The following WWOX variants were observed in gnomAD, a reference collection of about 807,000 sequenced individuals.
WWOX encodes the protein WW domain containing oxidoreductase.
WWOX carries 69 observed loss-of-function variants against 46.2 expected under a neutral mutation model. That is an observed-to-expected ratio of 1.49 (90% CI 1.23 to 1.82). WWOX has a LOEUF of 1.82. Among genes scored for constraint, WWOX ranks in the 40% most tolerant of loss-of-function variants. The pLI, the probability that WWOX is intolerant of heterozygous loss-of-function variation, is 0.00. For missense variants in WWOX, 919 were observed against 542.6 expected (o/e 1.69, Z -6.89); for synonymous variants, 359 against 202.6 (o/e 1.77, Z -6.56).
intron 8 of WWOX, among the ~76,000 whole-genome samples, chr16:78,779,134 G>A (rs1162946578): frequency 6.6e-6 from 1 of 152,088 alleles, no homozygotes; most frequent in Admixed American, 6.5e-5. Flanking sequence ...ACATAAATGT[G>A]ACTCCAACTT....
chr16:78,477,623 C>A (rs1446312149), intron 8 of WWOX, among the ~76,000 whole-genome samples: 1 of 151,334 alleles, frequency 6.6e-6, no homozygotes, highest in Non-Finnish European at 1.5e-5. Flanking sequence ...TATTTTTTTT[C>A]AATTTGATAA....
chr16:78,196,281 C>G (rs905714882), intron 5 of WWOX, among the ~76,000 whole-genome samples: 6 of 152,198 alleles, frequency 3.9e-5, no homozygotes, highest in African/African-American at 1.4e-4. Flanking sequence ...GGTAAATACA[C>G]TACTAAGTGT....
At position 79,212,165 on chromosome 16, in the gene WWOX, G is replaced by T; in HGVS notation, c.*369G>T. Reference sequence around the variant, plus strand: ...CCTCGTCCCATCCAGCTACCACCACGGCCACCACTGCAGCCGGGGGCTGGC... The same window carrying T: ...CCTCGTCCCATCCAGCTACCACCACTGCCACCACTGCAGCCGGGGGCTGGC... On this transcript the variant is annotated 3_prime_UTR_variant, in exon 9 of 9. Transcript: ENST00000566780. 2 of 1,493,768 alleles carry T rather than the reference G, an allele frequency of 1.3e-6. No homozygotes were observed. Among genetic ancestry groups the T allele is most frequent in the Middle Eastern group, 1.8e-4 (1 of 5,440 alleles). The allele number at this position is 1,493,768 out of a possible 1,614,324, so 92.5% of individuals were successfully genotyped here.
intron 7 of WWOX, among the ~76,000 whole-genome samples, chr16:78,427,414 A>C (rs928688652): frequency 4.6e-5 from 7 of 152,172 alleles, no homozygotes; most frequent in African/African-American, 1.7e-4. Flanking sequence ...AAAAAATTTC[A>C]GATAACAATT....
At chr16:78,839,585 C>T (rs531968138) in intron 8 of WWOX, among the ~76,000 whole-genome samples, 2 of 152,308 alleles carry the variant, frequency 1.3e-5, no homozygotes, top group African/African-American at 4.8e-5. Context: ...ATGAAATGAA[C>T]TGCATCCCAG....
intron 8 of WWOX, among the ~76,000 whole-genome samples, chr16:78,782,577 C>A (rs1018938717): frequency 1.3e-5 from 2 of 152,134 alleles, no homozygotes; most frequent in Admixed American, 1.3e-4. Flanking sequence ...CGTCCACCAG[C>A]CAAAGAGGAT....
At chr16:79,069,174 C>T (rs933917674) in intron 8 of WWOX, among the ~76,000 whole-genome samples, 1 of 152,148 alleles carries the variant, frequency 6.6e-6, no homozygotes. Flanking sequence ...GGTAAATGCA[C>T]CTGGGTATCC....
At chr16:78,246,848 G>T (rs2037829859) in intron 5 of WWOX, among the ~76,000 whole-genome samples, 1 of 152,002 alleles carries the variant, frequency 6.6e-6, no homozygotes, top group Non-Finnish European at 1.5e-5. Flanking sequence ...CTGATGAGGG[G>T]TATTTATTAT....
At chr16:78,193,180 TAGCCAAGACCAAC>T (rs2035936381) in intron 5 of WWOX, among the ~76,000 whole-genome samples, 3 of 152,326 alleles carry the variant, frequency 2.0e-5, no homozygotes, top group East Asian at 3.9e-4. Context: ...TCAATGGCAG[TAGCCAAGACCAAC>T]AGCCAAGACC....
At chr16:78,757,981 C>G (rs1456425447) in intron 8 of WWOX, among the ~76,000 whole-genome samples, 1 of 152,016 alleles carries the variant, frequency 6.6e-6, no homozygotes, top group Non-Finnish European at 1.5e-5. Context: ...CAACACTGAC[C>G]TTCTATCAGA....
intron 4 of WWOX, among the ~76,000 whole-genome samples, chr16:78,133,879 A>G (rs561486071): frequency 6.6e-6 from 1 of 152,340 alleles, no homozygotes; most frequent in East Asian, 1.9e-4. Context: ...GAAGAAAAAT[A>G]TTAGAGAGTT....
chr16:79,039,279 C>G (rs925836329), intron 8 of WWOX, among the ~76,000 whole-genome samples: 1 of 152,112 alleles, frequency 6.6e-6, no homozygotes, highest in Non-Finnish European at 1.5e-5. Context: ...AAGCCATTAA[C>G]CTCTCTGCGC....
intron 8 of WWOX, among the ~76,000 whole-genome samples, chr16:79,026,992 A>G (rs2047658368): frequency 6.6e-6 from 1 of 151,202 alleles, no homozygotes; most frequent in African/African-American, 2.4e-5. Flanking sequence ...AAGTTAACAC[A>G]GTGGAGTCCA....
intron 7 of WWOX, among the ~76,000 whole-genome samples, chr16:78,430,838 A>G (rs2083200486): frequency 6.6e-6 from 1 of 152,222 alleles, no homozygotes; most frequent in African/African-American, 2.4e-5. Flanking sequence ...TTTAATTTCC[A>G]TTAAAACATG....
At chr16:78,777,749 T>G (rs2050226765) in intron 8 of WWOX, among the ~76,000 whole-genome samples, 2 of 152,176 alleles carry the variant, frequency 1.3e-5, no homozygotes, top group Admixed American at 6.5e-5. Flanking sequence ...GCACTTTGCA[T>G]AGAAACTCAC....
chr16:79,211,576 A>T (rs1006382932), intron 8 of WWOX, 32 bp from the exon 9 acceptor site: 69 of 1,607,852 alleles, frequency 4.3e-5, no homozygotes, highest in Non-Finnish European at 5.0e-5. Context: ...TTTTCTTAAA[A>T]TTTTTTTTTG....
intron 8 of WWOX, among the ~76,000 whole-genome samples, chr16:79,031,900 C>A (rs1213043581): frequency 1.2e-4 from 8 of 65,878 alleles, no homozygotes; most frequent in African/African-American, 2.7e-4. Flanking sequence ...ATACAGATAT[C>A]TATATATATA....
At chr16:79,186,687 C>A (rs893985693) in intron 8 of WWOX, among the ~76,000 whole-genome samples, 21 of 152,086 alleles carry the variant, frequency 1.4e-4, no homozygotes, top group Non-Finnish European at 2.4e-4. Context: ...TACTAGTAAT[C>A]ATCTCACTCC....
chr16:78,498,187 A>G (rs1028679984), intron 8 of WWOX, among the ~76,000 whole-genome samples: 2 of 127,738 alleles, frequency 1.6e-5, no homozygotes, highest in African/African-American at 5.3e-5. Flanking sequence ...CCTGGGCAAC[A>G]GAGCAAGACT....
Sources: gnomAD v4.1 joint callset for allele counts (sites outside exome capture counted in the v4.1 genomes callset) on GRCh38, gnomAD v4.1.1 for gene constraint, MANE v1.5 for transcripts, NCBI Gene and HGNC (gene_info 2026-07-23, HGNC 2026-07-21) for gene names.